Variants in PFKFB3 observed in about 807,000 individuals in gnomAD.
The protein encoded by PFKFB3 is 6-phosphofructo-2-kinase/fructose-2,6-bisphosphatase 3.
In PFKFB3, 33 loss-of-function variants were observed where a neutral mutation model predicts 68.0. The observed-to-expected ratio is 0.49, with a 90% CI of 0.37 to 0.65. The LOEUF (loss-of-function observed/expected upper bound fraction) is 0.65. Among genes scored for constraint, PFKFB3 ranks in the 30% least tolerant of loss-of-function variants. PFKFB3 has a pLI of 0.00. For missense variants in PFKFB3, 586 were observed against 712.2 expected (o/e 0.82, Z 2.02); for synonymous variants, 315 against 288.2 (o/e 1.09, Z -0.94).
rs540805975 is a variant in PFKFB3, at chr10:6,154,248, A to ATT, written c.16+9249_16+9250dup. Among the ~76,000 whole-genome samples, 136 of 142,294 alleles carry ATT rather than the reference A, an allele frequency of 9.6e-4. No homozygotes were observed. Among genetic ancestry groups the ATT allele is most frequent in the African/African-American group, 2.7e-3 (103 of 38,604 alleles). 93.4% of individuals were successfully genotyped at this position (142,294 alleles called of 152,430 possible). A position where few individuals can be genotyped will look rare whatever the true frequency, so the allele number is the denominator to read the frequency against. On this transcript the variant is annotated intron_variant, in intron 1 of 14. Coordinates refer to the PFKFB3 transcript ENST00000379789. This position sits in a 1 kb window ranked among gnomAD's most constrained non-coding sequence, Gnocchi z 4.6. ...TTTGGTGGAGGTGTGGGCTGAATTA[A>ATT]TTTTTTTTTTTTTTTGAGGCAGGGT...
chr10:6,272,123 A>G, the PFKFB3 span, among the ~76,000 whole-genome samples: 2 of 152,214 alleles, frequency 1.3e-5, no homozygotes, highest in Non-Finnish European at 2.9e-5. Flanking sequence ...TTGTGCATGT[A>G]TGTTGTATGT....
At chr10:6,173,417 C>T (rs1344077426) in intron 1 of PFKFB3, among the ~76,000 whole-genome samples, 1 of 152,198 alleles carries the variant, frequency 6.6e-6, no homozygotes, top group Non-Finnish European at 1.5e-5. Flanking sequence ...ATGGTTACAG[C>T]ACCGCTTCCT....
chr10:6,263,742 A>G, the PFKFB3 span, among the ~76,000 whole-genome samples: 19 of 152,286 alleles, frequency 1.2e-4, no homozygotes, highest in African/African-American at 4.3e-4. Context: ...TTGGAGGGCA[A>G]TGGTGCAATC....
chr10:6,220,505 G>C lies in PFKFB3; in HGVS notation c.624-153G>C, dbSNP rs10466309. On this transcript the variant is annotated intron_variant, in intron 7 of 14. Transcript: ENST00000379775. The surrounding 1 kb of genome is among the most constrained non-coding windows in gnomAD (Gnocchi z 4.1). ...GCTGTGGGAGTTGTCTTACGCATAT[G>C]CTCTGCCCCTTAGAAGGATTCAGTC... 2.6e-5 allele frequency among the ~76,000 whole-genome samples: 4 copies of C among 151,604 alleles called. No individual in the cohort carries two copies. Among genetic ancestry groups the C allele is most frequent in the African/African-American group, 7.3e-5 (3 of 41,354 alleles).
the PFKFB3 span, among the ~76,000 whole-genome samples, chr10:6,298,133 C>G: frequency 2.0e-5 from 3 of 152,154 alleles, no homozygotes; most frequent in African/African-American, 7.2e-5. Context: ...ATCTCTTGAG[C>G]AAAAGTTAAA....
At chr10:6,321,347 G>C in the PFKFB3 span, among the ~76,000 whole-genome samples, 10 of 150,644 alleles carry the variant, frequency 6.6e-5, no homozygotes. Flanking sequence ...GTTTTTTTAA[G>C]TTCTCAGTTT....
At chr10:6,273,763 A>G in the PFKFB3 span, among the ~76,000 whole-genome samples, 9 of 152,184 alleles carry the variant, frequency 5.9e-5, no homozygotes, top group Non-Finnish European at 1.3e-4. Context: ...AGGCACATGC[A>G]GAGAGAAGGT....
At chr10:6,147,882 G>C (rs1333011771) in intron 1 of PFKFB3, among the ~76,000 whole-genome samples, 1 of 150,200 alleles carries the variant, frequency 6.7e-6, no homozygotes, top group Non-Finnish European at 1.5e-5. Flanking sequence ...GGGACACAGA[G>C]CTGGGTGGAT....
intron 14 of PFKFB3, 26 bp downstream of exon 14, chr10:6,226,391 G>T: frequency 6.3e-7 from 1 of 1,578,718 alleles, no homozygotes; most frequent in Non-Finnish European, 8.6e-7. Context: ...TTTCCTTCCT[G>T]CCTGGGGGAC....
chr10:6,198,128 A>G (rs1363965011), upstream of PFKFB3, among the ~76,000 whole-genome samples: 1 of 151,904 alleles, frequency 6.6e-6, no homozygotes, highest in Non-Finnish European at 1.5e-5. Context: ...AGCCTGTAAT[A>G]CCAGTTACTC....
At chr10:6,248,489 T>C (rs1205291263) in intron 14 of PFKFB3, among the ~76,000 whole-genome samples, 2 of 151,576 alleles carry the variant, frequency 1.3e-5, no homozygotes, top group Non-Finnish European at 2.9e-5. Flanking sequence ...ATTAGCTGGG[T>C]GTGGTGGCAC....
chr10:6,307,589 ACCCTTTCTCC>A, the PFKFB3 span, among the ~76,000 whole-genome samples: 4 of 63,734 alleles, frequency 6.3e-5, no homozygotes, highest in African/African-American at 2.6e-4. Context: ...TCCCTCCCCC[ACCCTTTCTCC>A]CTTTCCTTCT....
chr10:6,236,270 A>G (rs537434200), downstream of PFKFB3, among the ~76,000 whole-genome samples: 6 of 152,250 alleles, frequency 3.9e-5, no homozygotes, highest in East Asian at 1.2e-3. Flanking sequence ...TGGCTGCCAG[A>G]GGTTGAGCCG....
chr10:6,213,848 G>A (rs1844392855), intron 2 of PFKFB3, 100 bp downstream of exon 2: 4 of 1,333,056 alleles, frequency 3.0e-6, no homozygotes, highest in Non-Finnish European at 4.1e-6. Context: ...GGGCGCCTCT[G>A]TCCCCTGGTC....
rs577139681 is a variant in PFKFB3 at position 6,228,171 on chromosome 10, TTC to T, written c.1515+1814_1515+1815del. 1,072 of 1,612,754 alleles carry T rather than the reference TTC, an allele frequency of 6.6e-4. 3 individuals are homozygous for T. The African/African-American group carries it at 0.013, about 19-fold the overall frequency. ...GATTGCGCCCTGCCTCCTGACTGAC[TTC>T]TCTCTCTGCTTCTCCTCCGCAGCCT... is the stretch of plus-strand genomic sequence containing the variant. On this transcript the variant is annotated intron_variant, in intron 14 of 14. Coordinates refer to ENST00000379775, the MANE Select transcript of PFKFB3 (RefSeq NM_004566.4). The surrounding 1 kb of genome is among the most constrained non-coding windows in gnomAD (Gnocchi z 4.5).
rs543765716 is a variant in PFKFB3 at position 6,156,708 on chromosome 10, G to T, written c.16+11695G>T. ...TCGCCATGTTGGCCAGGCTGGTCTCGAATCCCTGACCTCGTGATCCGCCCA... is the reference window on the plus strand; with the variant it reads ...TCGCCATGTTGGCCAGGCTGGTCTCTAATCCCTGACCTCGTGATCCGCCCA... On this transcript the variant is annotated intron_variant, in intron 1 of 14. Transcript: ENST00000379789. Among the ~76,000 whole-genome samples, 61 of 149,876 alleles carry T rather than the reference G, an allele frequency of 4.1e-4. 1 individual carries two copies. In the East Asian group the frequency reaches 0.012, roughly 29 times the overall value.
At position 6,191,889 on chromosome 10, in the gene PFKFB3, G is replaced by A. The variant is rs76000848; in HGVS notation, c.17-21734G>A. On this transcript the variant is annotated intron_variant, in intron 1 of 14. Transcript: ENST00000379789. ...TCTCGCTCTTTAGCCGTTTCTCGTAGGGATGGTGTCCAGGTGGCTCGGACA... is the reference window on the plus strand; with the variant it reads ...TCTCGCTCTTTAGCCGTTTCTCGTAAGGATGGTGTCCAGGTGGCTCGGACA... Among the ~76,000 whole-genome samples, 644 of 152,196 alleles carry A rather than the reference G, an allele frequency of 4.2e-3. 1 individual carries two copies. The highest frequency in any genetic ancestry group is 6.6e-3 in the Non-Finnish European group (450 of 68,006).
At chr10:6,224,375 G>C in intron 13 of PFKFB3, 162 bp downstream of exon 13, 1 of 658,906 alleles carries the variant, frequency 1.5e-6, no homozygotes, top group South Asian at 1.7e-5. Flanking sequence ...GTTCCTGCCT[G>C]TCTGTTCTGT....
At chr10:6,221,069 G>A (rs35609333) in intron 8 of PFKFB3, among the ~76,000 whole-genome samples, 9 of 152,120 alleles carry the variant, frequency 5.9e-5, no homozygotes, top group African/African-American at 1.4e-4. Flanking sequence ...GTGTGTCTAC[G>A]CCTATCCATG....
Sources: allele counts gnomAD v4.1 joint callset (sites outside exome capture counted in the v4.1 genomes callset), GRCh38; gene constraint gnomAD v4.1.1; non-coding constraint Gnocchi (gnomAD v3.1); transcripts MANE v1.5; gene names NCBI Gene and HGNC (gene_info 2026-07-23, HGNC 2026-07-21).